The following FGF17 variants were observed in gnomAD, a reference collection of about 807,000 sequenced individuals.
The protein encoded by FGF17 is fibroblast growth factor 17.
A neutral mutation model predicts 23.5 loss-of-function variants in FGF17; 5 were observed. The observed-to-expected ratio is 0.21, with a 90% confidence interval of 0.11 to 0.45. The LOEUF is 0.45. FGF17 is among the 20% of genes least tolerant of loss of function. FGF17 has a pLI of 0.99. For missense variants in FGF17, 221 were observed against 306.9 expected (o/e 0.72, Z 2.09); for synonymous variants, 136 against 123.0 (o/e 1.11, Z -0.70).
rs755331444 is a variant in FGF17, at chr8:22,046,243, G to A, written c.202G>A (p.Val68Ile). The A allele has an allele frequency of 1.2e-6, 2 of 1,613,890 alleles. No homozygotes were observed. The highest frequency in any genetic ancestry group is 1.7e-6 in the Non-Finnish European group (2 of 1,180,016). The change falls in exon 3 of 5, where the codon GTC becomes ATC. Residue 68 changes from valine (V) to isoleucine (I), a missense_variant. Val to Ile is a conservative substitution (Grantham distance 29). Coordinates refer to ENST00000359441, the MANE Select transcript of FGF17 (RefSeq NM_003867.4). The part of the protein sequence containing the change: ...YSRTSGKHVQ[V>I]TGRRISATAE... ...CAGGACCAGTGGCAAGCACGTGCAG[G>A]TCACCGGGCGTCGCATCTCCGCCAC...
chr8:22,042,799 T>C, upstream of FGF17: 1 of 709,590 alleles, frequency 1.4e-6, no homozygotes. Flanking sequence ...CTTTCTCTCC[T>C]CCTCGCCCCC....
At chr8:22,043,287 C>T in intron 2 of FGF17, 106 bp downstream of exon 2, 2 of 1,168,316 alleles carry the variant, frequency 1.7e-6, no homozygotes, top group Non-Finnish European at 2.5e-6. Context: ...AGAGTCTGGC[C>T]TCTCCCTGGG....
rs916020662 is a variant in FGF17, at chr8:22,045,915, T to C, written c.73-199T>C. 53 of 1,482,684 alleles carry C rather than the reference T, an allele frequency of 3.6e-5. 1 individual carries two copies. The highest frequency in any genetic ancestry group is 4.2e-5 in the Non-Finnish European group (47 of 1,114,668). 91.8% of individuals were successfully genotyped at this position (1,482,684 alleles called of 1,614,324 possible). A position where few individuals can be genotyped will look rare whatever the true frequency, so the allele number is the denominator to read the frequency against. ...CCTGGGCAGACCCCAGTCCCTTCTGTAAGGTAGACGCAAAGCAAAGAGGTT... is the reference window on the plus strand; with the variant it reads ...CCTGGGCAGACCCCAGTCCCTTCTGCAAGGTAGACGCAAAGCAAAGAGGTT... On this transcript the variant is annotated intron_variant, in intron 2 of 4. Transcript: ENST00000359441.
rs1356887665 is a variant in FGF17, at chr8:22,046,427, C to T, written c.251-100C>T. ...AGGGCCTGAGTGTCCCCAACCCCTT[C>T]GCCTGAGTCTGGAGGTCAGTGTGGC... is the stretch of plus-strand genomic sequence containing the variant. On this transcript the variant is annotated intron_variant, in intron 3 of 4. Coordinates refer to ENST00000359441, the MANE Select transcript of FGF17 (RefSeq NM_003867.4). 8 of 1,413,778 alleles carry T rather than the reference C, an allele frequency of 5.7e-6. No homozygotes were observed. In the East Asian group the frequency reaches 7.0e-5, roughly 12 times the overall value. The allele number at this position is 1,413,778 out of a possible 1,614,324, so 87.6% of individuals were successfully genotyped here.
chr8:22,046,554 T>A lies in FGF17; in HGVS notation c.278T>A (p.Phe93Tyr). The A allele has an allele frequency of 6.2e-7, 1 of 1,613,824 alleles. No individual in the cohort carries two copies. The highest frequency in any genetic ancestry group is 8.5e-7 in the Non-Finnish European group (1 of 1,179,906). The change falls in exon 4 of 5, where the codon TTT (phenylalanine) becomes TAT (tyrosine). Residue 93 changes from phenylalanine to tyrosine, a missense_variant. Phe to Tyr is a conservative substitution (Grantham distance 22, BLOSUM62 3). Coordinates refer to ENST00000359441, the MANE Select transcript of FGF17 (RefSeq NM_003867.4). ...FAKLIVETDT[F>Y]GSRVRIKGAE... ...AAGCTCATAGTGGAGACGGACACGT[T>A]TGGCAGCCGGGTTCGCATCAAAGGG...
At chr8:22,041,542 C>T (rs1307362131), upstream of FGF17, among the ~76,000 whole-genome samples, 2 of 152,152 alleles carry the variant, frequency 1.3e-5, no homozygotes, top group African/African-American at 2.4e-5. Context: ...CTGCAGTCAC[C>T]GTCATCCACT....
At position 22,045,210 on chromosome 8, in the gene FGF17, TC is replaced by T. The variant is rs796531862; in HGVS notation, c.73-899del. The stretch of plus-strand genomic sequence containing the variant: ...AGTGCGTGGGGGGAAATGGTTCCTC[TC>T]CCCCAACCCAAAGGGGAAGCAGGTG... On this transcript the variant is annotated intron_variant, in intron 2 of 4. Coordinates refer to ENST00000359441, the MANE Select transcript of FGF17 (RefSeq NM_003867.4). 3.6e-5 allele frequency: 35 copies of T among 985,364 alleles called. No individual in the cohort carries two copies. In the African/African-American group the frequency reaches 5.1e-4, roughly 14 times the overall value. The allele number at this position is 985,364 out of a possible 1,614,324, so 61.0% of individuals were successfully genotyped here. A position where few individuals can be genotyped will look rare whatever the true frequency, so the allele number is the denominator to read the frequency against.
chr8:22,042,853 C>T lies in FGF17; in HGVS notation c.-76C>T. 2 of 1,525,150 alleles carry T rather than the reference C, an allele frequency of 1.3e-6. No individual in the cohort carries two copies. The highest frequency in any genetic ancestry group is 1.1e-5 in the South Asian group (1 of 87,426). The allele number at this position is 1,525,150 out of a possible 1,614,324, so 94.5% of individuals were successfully genotyped here. On this transcript the variant is annotated 5_prime_UTR_variant, in exon 1 of 5. Coordinates refer to ENST00000359441, the MANE Select transcript of FGF17 (RefSeq NM_003867.4). ...GAGAGACCTTGGCTTCTCTGGGACT[C>T]TACCCCTGGGGACTTCCCACATCTG...
At position 22,048,003 on chromosome 8, in the gene FGF17, G is replaced by A; in HGVS notation, c.405G>A (p.Glu135=). The A allele has an allele frequency of 6.2e-7, 1 of 1,610,732 alleles. No individual in the cohort carries two copies. The highest frequency in any genetic ancestry group is 1.1e-5 in the South Asian group (1 of 90,994). The change falls in exon 5 of 5, where the codon GAG becomes GAA. Residue 135 remains glutamate (E), a synonymous_variant. Transcript: ENST00000359441. This position sits in a 1 kb window ranked among gnomAD's most constrained non-coding sequence, Gnocchi z 6.9. ...GCGTGTTCACGGAGATCGTGCTGGAGAACAACTATACGGCCTTCCAGAACG... is the reference window on the plus strand; with the variant it reads ...GCGTGTTCACGGAGATCGTGCTGGAAAACAACTATACGGCCTTCCAGAACG... ...KDCVFTEIVL[E]NNYTAFQNAR...
At position 22,046,924 on chromosome 8, in the gene FGF17, T is replaced by C. The variant is rs183128697; in HGVS notation, c.357+291T>C. ...GCCTCTGAAGTAGTAGCTGGCACTATAGGTGCATGCCACCATGCCCAGCTA... is the reference window on the plus strand; with the variant it reads ...GCCTCTGAAGTAGTAGCTGGCACTACAGGTGCATGCCACCATGCCCAGCTA... On this transcript the variant is annotated intron_variant, in intron 4 of 4. Coordinates refer to ENST00000359441, the MANE Select transcript of FGF17 (RefSeq NM_003867.4). Among the ~76,000 whole-genome samples the C allele has an allele frequency of 3.3e-5, 5 of 151,344 alleles. No individual in the cohort carries two copies. The East Asian group carries it at 9.8e-4, about 30-fold the overall frequency.
chr8:22,043,231 AC>A, intron 2 of FGF17, 50 bp downstream of exon 2: 1 of 1,583,446 alleles, frequency 6.3e-7, no homozygotes. Context: ...ACCCTACCTG[AC>A]CAGGGCGGGT....
chr8:22,042,650 G>C (rs3176264), upstream of FGF17: 3 of 596,096 alleles, frequency 5.0e-6, no homozygotes, highest in Non-Finnish European at 9.0e-6. Flanking sequence ...TGGCAGCCCA[G>C]AGGGCACAGC....
At position 22,042,928 on chromosome 8, in the gene FGF17, G is replaced by A. The variant is rs1243373528; in HGVS notation, c.-1G>A. On this transcript the variant is annotated 5_prime_UTR_variant, in exon 1 of 5. Coordinates refer to ENST00000359441, the MANE Select transcript of FGF17 (RefSeq NM_003867.4). Reference sequence around the variant, plus strand: ...CAACCGCCTGAGGAACCTCTCCAGCGATGGGAGCCGCCCGCCTGCTGCCCA... The same window carrying A: ...CAACCGCCTGAGGAACCTCTCCAGCAATGGGAGCCGCCCGCCTGCTGCCCA... 1.2e-5 allele frequency: 20 copies of A among 1,613,274 alleles called. No individual in the cohort carries two copies. Among genetic ancestry groups the A allele is most frequent in the Non-Finnish European group, 1.5e-5 (18 of 1,179,766 alleles).
At chr8:22,043,112 C>G (rs1337726045) in intron 1 of FGF17, 33 bp from the exon 2 acceptor site, 18 of 1,612,868 alleles carry the variant, frequency 1.1e-5, no homozygotes, top group Non-Finnish European at 1.7e-6. Flanking sequence ...CAGCTGGCAC[C>G]CACACCTGGG....
chr8:22,046,567 T>G lies in FGF17; in HGVS notation c.291T>G (p.Val97=), dbSNP rs1800872754. ...IVETDTFGSR[V]RIKGAESEKY... is the part of the protein sequence containing the mutation. ...AGACGGACACGTTTGGCAGCCGGGT[T>G]CGCATCAAAGGGGCTGAGAGTGAGA... The change falls in exon 4 of 5, where the codon GTT becomes GTG. Residue 97 remains valine (V), a synonymous_variant. Transcript: ENST00000359441. 1 of 1,613,922 alleles carries G rather than the reference T, an allele frequency of 6.2e-7. No individual in the cohort carries two copies. Among genetic ancestry groups the G allele is most frequent in the Non-Finnish European group, 8.5e-7 (1 of 1,179,946 alleles).
intron 2 of FGF17, chr8:22,045,478 G>T: frequency 7.1e-6 from 7 of 990,330 alleles, no homozygotes; most frequent in Non-Finnish European, 8.4e-6. Flanking sequence ...GCACCAGGGG[G>T]CAAGGCCGGG....
At chr8:22,044,761 T>C (rs1800826120) in intron 2 of FGF17, 2 of 985,376 alleles carry the variant, frequency 2.0e-6, no homozygotes, top group Non-Finnish European at 2.4e-6. Context: ...CGGTGCACAG[T>C]AAGTGTTAAC....
At chr8:22,047,814 A>G (rs1447261115) in intron 4 of FGF17, 142 bp from the exon 5 acceptor site, 5 of 742,492 alleles carry the variant, frequency 6.7e-6, no homozygotes, top group Non-Finnish European at 1.1e-5. Flanking sequence ...ATAGGATGCC[A>G]TCTCACCAGG....
upstream of FGF17, among the ~76,000 whole-genome samples, chr8:22,041,635 A>G (rs1563362008): frequency 6.6e-6 from 1 of 152,166 alleles, no homozygotes; most frequent in East Asian, 1.9e-4. Flanking sequence ...CTGAAAACCC[A>G]GGAAGGCTTC....
Sources: gnomAD v4.1 joint callset for allele counts (sites outside exome capture counted in the v4.1 genomes callset) on GRCh38, gnomAD v4.1.1 for gene constraint, Gnocchi (gnomAD v3.1) non-coding constraint, MANE v1.5 for transcripts, NCBI Gene and HGNC (gene_info 2026-07-23, HGNC 2026-07-21) for gene names.